Variants in ITGA11 observed in about 807,000 individuals in gnomAD.
ITGA11 encodes integrin alpha-11.
In ITGA11, 97 loss-of-function variants were observed where a neutral mutation model predicts 141.9. The observed-to-expected ratio is 0.68, with a 90% CI of 0.58 to 0.81. The LOEUF (loss-of-function observed/expected upper bound fraction) is 0.81. Ranked by LOEUF, ITGA11 falls within the 30% of genes least tolerant of loss-of-function variation. The probability of loss-of-function intolerance (pLI) is 0.00; values close to 1 mark genes in which losing one functional copy is unlikely to be tolerated. For synonymous variants in ITGA11, 658 were observed against 624.6 expected (o/e 1.05, Z -0.80); for missense variants, 1,387 against 1,559.2 (o/e 0.89, Z 1.86).
intron 2 of ITGA11, among the ~76,000 whole-genome samples, chr15:68,387,365 T>C (rs569410221): frequency 8.5e-5 from 13 of 152,260 alleles, no homozygotes; most frequent in South Asian, 8.3e-4. Flanking sequence ...TGGCAACCGC[T>C]AAGTGTGTGG....
chr15:68,393,635 G>C (rs2140394187), intron 2 of ITGA11, among the ~76,000 whole-genome samples: 1 of 152,204 alleles, frequency 6.6e-6, no homozygotes, highest in East Asian at 1.9e-4. Flanking sequence ...GATCTTTTCA[G>C]ACAAACGAAC....
At chr15:68,428,485 T>G (rs1272691647) in intron 1 of ITGA11, among the ~76,000 whole-genome samples, 1 of 151,896 alleles carries the variant, frequency 6.6e-6, no homozygotes. Context: ...GGGGTAGAGA[T>G]GGGGTCATGG....
At chr15:68,319,647 C>A (rs543181226) in intron 20 of ITGA11, among the ~76,000 whole-genome samples, 1 of 152,204 alleles carries the variant, frequency 6.6e-6, no homozygotes, top group Admixed American at 6.5e-5. Flanking sequence ...AAGGACCTTC[C>A]GAGCAAGCCT....
At chr15:68,312,113 G>A (rs532847292) in intron 24 of ITGA11, among the ~76,000 whole-genome samples, 5 of 152,362 alleles carry the variant, frequency 3.3e-5, no homozygotes, top group African/African-American at 4.8e-5. Context: ...GGGAGCTATC[G>A]GGGCCCACTA....
At chr15:68,366,068 T>G (rs1895412228) in intron 3 of ITGA11, among the ~76,000 whole-genome samples, 1 of 152,196 alleles carries the variant, frequency 6.6e-6, no homozygotes, top group South Asian at 2.1e-4. Flanking sequence ...TTTTCCTTTT[T>G]GGTTTTCCTC....
At chr15:68,327,104 C>T (rs181295604) in intron 16 of ITGA11, among the ~76,000 whole-genome samples, 9 of 152,048 alleles carry the variant, frequency 5.9e-5, no homozygotes, top group African/African-American at 2.2e-4. Context: ...TCATGTTGAG[C>T]CCTTGCTGCA....
chr15:68,347,234 C>T (rs1363501734), intron 10 of ITGA11, among the ~76,000 whole-genome samples: 1 of 152,220 alleles, frequency 6.6e-6, no homozygotes, highest in East Asian at 1.9e-4. Flanking sequence ...GGCTCTTTAC[C>T]CTCAGACTCT....
At chr15:68,426,556 T>C (rs1897147772) in intron 1 of ITGA11, among the ~76,000 whole-genome samples, 1 of 152,134 alleles carries the variant, frequency 6.6e-6, no homozygotes, top group Non-Finnish European at 1.5e-5. Context: ...GGAGTCACTG[T>C]CTAGCTGGGC....
rs961785098 is a variant in ITGA11 at position 68,324,061 on chromosome 15, G to A, written c.2322+1070C>T. The stretch of plus-strand genomic sequence containing the variant: ...CGAGAGGACAAAAATGACTTAGTGC[G>A]CCCAGCTTTCCCCTTCTCCCGGCTC... On this transcript the variant is annotated intron_variant, in intron 18 of 29. Coordinates refer to ENST00000315757, the MANE Select transcript of ITGA11 (RefSeq NM_001004439.2). This position sits in a 1 kb window ranked among gnomAD's most constrained non-coding sequence, Gnocchi z 6.3. 1.3e-5 allele frequency among the ~76,000 whole-genome samples: 2 copies of A among 152,154 alleles called. No individual in the cohort carries two copies. Among genetic ancestry groups the A allele is most frequent in the South Asian group, 2.1e-4 (1 of 4,828 alleles).
chr15:68,365,176 G>A (rs559245924), intron 3 of ITGA11: 6 of 985,248 alleles, frequency 6.1e-6, no homozygotes, highest in South Asian at 9.4e-5. Context: ...CAGTATCCCC[G>A]CTACGCTTTC....
intron 1 of ITGA11, among the ~76,000 whole-genome samples, chr15:68,429,644 C>A (rs549940632): frequency 1.3e-5 from 2 of 152,268 alleles, no homozygotes; most frequent in African/African-American, 4.8e-5. Flanking sequence ...ACATTGAATT[C>A]ATGTGATGCA....
chr15:68,340,326 C>T (rs970673655), intron 10 of ITGA11, among the ~76,000 whole-genome samples: 6 of 152,000 alleles, frequency 3.9e-5, no homozygotes, highest in African/African-American at 1.4e-4. Flanking sequence ...GAAAAGTCTT[C>T]GAGGATGTCA....
chr15:68,306,227 T>C (rs1229549938), intron 28 of ITGA11, among the ~76,000 whole-genome samples: 2 of 138,260 alleles, frequency 1.4e-5, no homozygotes, highest in East Asian at 2.1e-4. Context: ...CCAGAGAGTA[T>C]AGAGGAATTT....
intron 3 of ITGA11, among the ~76,000 whole-genome samples, chr15:68,366,483 C>A (rs1895427563): frequency 6.6e-6 from 1 of 152,168 alleles, no homozygotes; most frequent in Admixed American, 6.5e-5. Context: ...CTCCACTGGG[C>A]TGGGTAACCC....
chr15:68,318,349 C>A lies in ITGA11; in HGVS notation c.2617-986G>T, dbSNP rs578126078. Among the ~76,000 whole-genome samples, 12 of 152,288 alleles carry A rather than the reference C, an allele frequency of 7.9e-5. No homozygotes were observed. The East Asian group carries it at 2.3e-3, about 29-fold the overall frequency. On this transcript the variant is annotated intron_variant, in intron 20 of 29. Coordinates refer to ENST00000315757, the MANE Select transcript of ITGA11 (RefSeq NM_001004439.2). Reference sequence around the variant, plus strand: ...GATTAGGAGCAAGCATGAGACTGGCCTTGTGAAGTCTGGGCCAGGGAAGCA... The same window carrying A: ...GATTAGGAGCAAGCATGAGACTGGCATTGTGAAGTCTGGGCCAGGGAAGCA...
intron 26 of ITGA11, among the ~76,000 whole-genome samples, chr15:68,310,375 T>C (rs1366991773): frequency 1.3e-5 from 2 of 152,098 alleles, no homozygotes; most frequent in Non-Finnish European, 2.9e-5. Flanking sequence ...AAGTGCTTTG[T>C]GGGAGGTACT....
chr15:68,346,302 C>T (rs1894740913), intron 10 of ITGA11, among the ~76,000 whole-genome samples: 1 of 152,152 alleles, frequency 6.6e-6, no homozygotes, highest in Non-Finnish European at 1.5e-5. Flanking sequence ...GTTGATCCTG[C>T]AAGGACTCAC....
intron 4 of ITGA11, among the ~76,000 whole-genome samples, chr15:68,362,243 C>T (rs140885156): frequency 1.9e-3 from 295 of 152,276 alleles, no homozygotes; most frequent in Admixed American, 2.5e-3. Context: ...ATGTCAGTCC[C>T]CATTGAAGGA....
chr15:68,415,063 T>C (rs1896857108), intron 1 of ITGA11, among the ~76,000 whole-genome samples: 1 of 152,332 alleles, frequency 6.6e-6, no homozygotes, highest in Admixed American at 6.5e-5. Flanking sequence ...TCTGATCAAC[T>C]CGTCAGCATC....
Sources: allele counts gnomAD v4.1 joint callset (sites outside exome capture counted in the v4.1 genomes callset), GRCh38; gene constraint gnomAD v4.1.1; non-coding constraint Gnocchi (gnomAD v3.1); transcripts MANE v1.5; gene names NCBI Gene and HGNC (gene_info 2026-07-23, HGNC 2026-07-21).